KCNC2: variants seen among roughly 807,000 people sequenced by gnomAD.
The protein encoded by KCNC2 is potassium voltage-gated channel subfamily C member 2, also known as voltage-gated potassium channel KCNC2.
Under a neutral mutation model 44.5 loss-of-function variants are expected in KCNC2, and 21 were observed. That is an observed-to-expected ratio of 0.47 (90% CI 0.33 to 0.68). The LOEUF (loss-of-function observed/expected upper bound fraction) is 0.68, where lower values mean the gene tolerates loss of function less well. Ranked by LOEUF, KCNC2 falls within the 30% of genes least tolerant of loss-of-function variation. The probability of loss-of-function intolerance (pLI) is 0.01; values close to 1 mark genes in which losing one functional copy is unlikely to be tolerated. For synonymous variants in KCNC2, 391 were observed against 339.1 expected (o/e 1.15, Z -1.68); for missense variants, 589 against 826.2 (o/e 0.71, Z 3.52).
At chr12:75,189,671 T>C (rs1044972836) in intron 2 of KCNC2, among the ~76,000 whole-genome samples, 1 of 152,138 alleles carries the variant, frequency 6.6e-6, no homozygotes, top group Non-Finnish European at 1.5e-5. Context: ...AATTCATTAT[T>C]TGTCTCCTCT....
chr12:75,194,663 T>G (rs1425284536), intron 2 of KCNC2, among the ~76,000 whole-genome samples: 2 of 152,168 alleles, frequency 1.3e-5, no homozygotes. Context: ...AAATATTTGA[T>G]AACTAGAGAA....
chr12:75,076,014 G>T (rs779551950), intron 2 of KCNC2, among the ~76,000 whole-genome samples: 1 of 147,320 alleles, frequency 6.8e-6, no homozygotes, highest in African/African-American at 2.5e-5. Flanking sequence ...ACATATCTTG[G>T]CTTAATGCCT....
chr12:75,124,218 G>A (rs1321588057), intron 2 of KCNC2: 1 of 152,056 alleles, frequency 6.6e-6, no homozygotes, highest in African/African-American at 2.4e-5. Flanking sequence ...ATTAATCTAG[G>A]GGATTTGTTC....
chr12:75,041,565 G>T lies in KCNC2; in HGVS notation c.*1540C>A. ...TTACGGTCTTTTTCTTCCCTCACAT[G>T]CTCAATACATGAGACACGCTATTGC... On this transcript the variant is annotated 3_prime_UTR_variant, in exon 5 of 5. Coordinates refer to ENST00000549446, the MANE Select transcript of KCNC2 (RefSeq NM_139137.4). 1 of 1,104,492 alleles carries T rather than the reference G, an allele frequency of 9.1e-7. No homozygotes were observed. The highest frequency in any genetic ancestry group is 1.6e-5 in the African/African-American group (1 of 61,532). 68.4% of individuals were successfully genotyped at this position (1,104,492 alleles called of 1,614,324 possible).
chr12:75,120,811 CTTGA>C (rs1486798148), intron 2 of KCNC2, among the ~76,000 whole-genome samples: 3 of 152,142 alleles, frequency 2.0e-5, no homozygotes, highest in African/African-American at 7.2e-5. Flanking sequence ...AGATTGTACT[CTTGA>C]TTATTAGCAG....
At chr12:75,084,815 GC>G (rs1439993304) in intron 2 of KCNC2, among the ~76,000 whole-genome samples, 1 of 151,742 alleles carries the variant, frequency 6.6e-6, no homozygotes, top group Non-Finnish European at 1.5e-5. Flanking sequence ...AACTATTTAA[GC>G]ATATTCATTG....
chr12:75,079,601 T>C lies in KCNC2; in HGVS notation c.688-28284A>G, dbSNP rs567794858. Among the ~76,000 whole-genome samples, 6 of 152,254 alleles carry C rather than the reference T, an allele frequency of 3.9e-5. No individual in the cohort carries two copies. The East Asian group carries it at 1.2e-3, about 29-fold the overall frequency. The stretch of plus-strand genomic sequence containing the variant: ...TTTGATCATCATAACTGCCCACAAG[T>C]TAAATCTTATCAGACATCATGAATA... On this transcript the variant is annotated intron_variant, in intron 2 of 4. Coordinates refer to ENST00000549446, the MANE Select transcript of KCNC2 (RefSeq NM_139137.4).
intron 2 of KCNC2, among the ~76,000 whole-genome samples, chr12:75,198,712 T>C (rs113397077): frequency 7.9e-4 from 120 of 151,970 alleles, no homozygotes; most frequent in African/African-American, 2.8e-3. Flanking sequence ...AAATAGCATT[T>C]AATCCTAAGT....
Position 75,083,155 on chromosome 12 carries a change from A to T in KCNC2, c.688-31838T>A, listed in dbSNP as rs531286281. Among the ~76,000 whole-genome samples the T allele has an allele frequency of 8.6e-5, 13 of 151,572 alleles. 1 individual carries two copies. In the South Asian group the frequency reaches 2.5e-3, roughly 29 times the overall value. ...TAAAATAAATATTTAATATTTTGTT[A>T]AAAAAAGTACTTTAAAATACAAAAA... On this transcript the variant is annotated intron_variant, in intron 2 of 4. Coordinates refer to ENST00000549446, the MANE Select transcript of KCNC2 (RefSeq NM_139137.4).
intron 2 of KCNC2, among the ~76,000 whole-genome samples, chr12:75,055,656 G>A (rs968792704): frequency 6.6e-6 from 1 of 152,036 alleles, no homozygotes; most frequent in East Asian, 1.9e-4. Context: ...ATATTGGCTT[G>A]TGAGTCTAAT....
At chr12:75,136,403 A>C (rs1889232889) in intron 2 of KCNC2, among the ~76,000 whole-genome samples, 1 of 152,116 alleles carries the variant, frequency 6.6e-6, no homozygotes, top group South Asian at 2.1e-4. Context: ...TGGTTCTTTG[A>C]AAAGATAAAC....
Position 75,051,030 on chromosome 12 carries a change from A to T in KCNC2, c.975T>A (p.Pro325=). Residue 325 remains proline, a synonymous_variant, in exon 3 of 5, where the codon CCT becomes CCA. Coordinates refer to ENST00000549446, the MANE Select transcript of KCNC2 (RefSeq NM_139137.4). The part of the protein sequence containing the change: ...LNIIDFVAIL[P]FYLEVGLSGL... The stretch of plus-strand genomic sequence containing the variant: ...CACTGAGTCCCACCTCTAAGTAGAA[A>T]GGTAGGATGGCCACAAAGTCAATGA... 1 of 1,613,868 alleles carries T rather than the reference A, an allele frequency of 6.2e-7. No individual in the cohort carries two copies. The highest frequency in any genetic ancestry group is 1.1e-5 in the South Asian group (1 of 91,074).
intron 2 of KCNC2, among the ~76,000 whole-genome samples, chr12:75,054,377 T>G (rs1482000564): frequency 6.6e-6 from 1 of 151,914 alleles, no homozygotes; most frequent in Non-Finnish European, 1.5e-5. Flanking sequence ...TAATAGAAAT[T>G]TGGAAACTGA....
intron 2 of KCNC2, among the ~76,000 whole-genome samples, chr12:75,130,602 A>T (rs1888769282): frequency 6.6e-6 from 1 of 152,210 alleles, no homozygotes; most frequent in Non-Finnish European, 1.5e-5. Flanking sequence ...AGTGATGAAC[A>T]CATCAATAAG....
intron 2 of KCNC2, among the ~76,000 whole-genome samples, chr12:75,111,732 T>C (rs1466215013): frequency 6.6e-6 from 1 of 152,038 alleles, no homozygotes; most frequent in Non-Finnish European, 1.5e-5. Flanking sequence ...TTAAGCTATC[T>C]CCTCAAAATC....
intron 2 of KCNC2, among the ~76,000 whole-genome samples, chr12:75,108,664 AG>A (rs1478817241): frequency 1.3e-5 from 2 of 152,176 alleles, no homozygotes; most frequent in Non-Finnish European, 2.9e-5. Context: ...GCTCCCCTCA[AG>A]CCCTCAGAGC....
At chr12:75,121,844 C>T (rs906663523) in intron 2 of KCNC2, among the ~76,000 whole-genome samples, 8 of 152,136 alleles carry the variant, frequency 5.3e-5, no homozygotes, top group African/African-American at 1.7e-4. Flanking sequence ...ACCACCTCTA[C>T]TTTACAGAAA....
At chr12:75,080,296 C>G (rs987330289) in intron 2 of KCNC2, among the ~76,000 whole-genome samples, 1 of 3,170 alleles carries the variant, frequency 3.2e-4, no homozygotes, top group Non-Finnish European at 5.8e-4. Flanking sequence ...ATTTTTACAT[C>G]AAGTTTGAGG....
In KCNC2 at chr12:75,181,916, C is replaced by CTTTTTTTTTTTTTTTTTTTTTTTTT. The variant is rs61089425; in HGVS notation, c.687+25356_687+25380dup. ...AAACATTATTACTATTAATATCTTC[C>CTTTTTTTTTTTTTTTTTTTTTTTTT]TTTTTTTTTTTTTTTTTTTTTTTTT... On this transcript the variant is annotated intron_variant, in intron 2 of 4. Transcript: ENST00000549446. Among the ~76,000 whole-genome samples the CTTTTTTTTTTTTTTTTTTTTTTTTT allele has an allele frequency of 2.5e-4, 12 of 47,878 alleles. 4 individuals are homozygous for CTTTTTTTTTTTTTTTTTTTTTTTTT. The highest frequency in any genetic ancestry group is 3.6e-4 in the Non-Finnish European group (9 of 25,270). The allele number at this position is 47,878 out of a possible 152,430, so 31.4% of individuals were successfully genotyped here.
Sources: gnomAD v4.1 joint callset for allele counts (sites outside exome capture counted in the v4.1 genomes callset) on GRCh38, gnomAD v4.1.1 for gene constraint, MANE v1.5 for transcripts, NCBI Gene and HGNC (gene_info 2026-07-23, HGNC 2026-07-21) for gene names.